Variants in NTM observed in about 807,000 individuals in gnomAD.
NTM encodes IgLON family member 2.
In NTM, 13 loss-of-function variants were observed where a neutral mutation model predicts 42.1. That is an observed-to-expected ratio of 0.31 (90% CI 0.20 to 0.49). NTM has a LOEUF of 0.49. Among genes scored for constraint, NTM ranks in the 20% least tolerant of loss-of-function variants. The pLI, the probability that NTM is intolerant of heterozygous loss-of-function variation, is 0.99. For missense variants in NTM, 373 were observed against 452.8 expected (o/e 0.82, Z 1.60); for synonymous variants, 187 against 179.2 (o/e 1.04, Z -0.35).
At chr11:132,311,650 CAAAA>C (rs1054130443) in intron 6 of NTM, among the ~76,000 whole-genome samples, 1 of 152,126 alleles carries the variant, frequency 6.6e-6, no homozygotes, top group Non-Finnish European at 1.5e-5. Flanking sequence ...CCAAACCAAA[CAAAA>C]AACCTATTGA....
At chr11:132,189,839 A>G in intron 3 of NTM, among the ~76,000 whole-genome samples, 1 of 152,192 alleles carries the variant, frequency 6.6e-6, no homozygotes, top group East Asian at 1.9e-4. Context: ...CAAATGAACA[A>G]TCGTTTGTGG....
At chr11:131,948,425 C>T (rs1188468093) in intron 2 of NTM, among the ~76,000 whole-genome samples, 2 of 146,072 alleles carry the variant, frequency 1.4e-5, no homozygotes, top group East Asian at 4.2e-4. Context: ...TTATCACATC[C>T]AAAGGCTTAT....
In NTM at chr11:132,213,860, A is replaced by G. The variant is rs1159524085; in HGVS notation, c.526+1713A>G. The stretch of plus-strand genomic sequence containing the variant: ...CGCCATTCTCCCGCCTCAGCCTCCC[A>G]AGTAGCTGGGACTACAGGCGCCCGC... On this transcript the variant is annotated intron_variant, in intron 4 of 8. Transcript: ENST00000683400. 4.6e-5 allele frequency among the ~76,000 whole-genome samples: 5 copies of G among 108,094 alleles called. 1 individual carries two copies. The highest frequency in any genetic ancestry group is 6.3e-4 in the South Asian group (2 of 3,172). 70.9% of individuals were successfully genotyped at this position (108,094 alleles called of 152,430 possible).
At chr11:132,327,213 T>C (rs2095701480) in intron 7 of NTM, among the ~76,000 whole-genome samples, 1 of 152,200 alleles carries the variant, frequency 6.6e-6, no homozygotes, top group Admixed American at 6.5e-5. Flanking sequence ...CTGTGCAAAC[T>C]CAGCGGCTCC....
chr11:131,545,609 C>T (rs2053827775), intron 1 of NTM, among the ~76,000 whole-genome samples: 1 of 152,124 alleles, frequency 6.6e-6, no homozygotes, highest in Non-Finnish European at 1.5e-5. Flanking sequence ...GATCCCTGCT[C>T]TCAAGCCATA....
At chr11:132,252,077 A>G (rs2092001991) in intron 4 of NTM, among the ~76,000 whole-genome samples, 1 of 152,178 alleles carries the variant, frequency 6.6e-6, no homozygotes, top group Non-Finnish European at 1.5e-5. Flanking sequence ...ACTCCCTGCC[A>G]TAAGCCCCTC....
chr11:131,661,063 A>C, intron 1 of NTM: 1 of 1,300,588 alleles, frequency 7.7e-7, no homozygotes, highest in Non-Finnish European at 1.0e-6. Context: ...GTGCATACTC[A>C]ATTCTTCATC....
chr11:132,267,224 G>C (rs142958294), intron 4 of NTM, among the ~76,000 whole-genome samples: 1 of 152,126 alleles, frequency 6.6e-6, no homozygotes, highest in African/African-American at 2.4e-5. Context: ...TGCAGTCCAG[G>C]AGCATAAAAT....
intron 8 of NTM, among the ~76,000 whole-genome samples, chr11:132,332,038 A>G (rs1000026434): frequency 6.6e-6 from 1 of 152,160 alleles, no homozygotes; most frequent in Non-Finnish European, 1.5e-5. Context: ...CCTCAAATCA[A>G]TGAGGATCAT....
intron 1 of NTM, among the ~76,000 whole-genome samples, chr11:131,512,158 T>C (rs1489906303): frequency 6.6e-6 from 1 of 152,200 alleles, no homozygotes; most frequent in African/African-American, 2.4e-5. Flanking sequence ...ACCATGAGCC[T>C]TGGGGACACG....
At chr11:132,319,254 AGTGCCAGACAGTAG>A (rs2095505144) in intron 7 of NTM, among the ~76,000 whole-genome samples, 1 of 152,142 alleles carries the variant, frequency 6.6e-6, no homozygotes, top group African/African-American at 2.4e-5. Context: ...CTCACTGGGG[AGTGCCAGACAGTAG>A]GTGCAGGACA....
At chr11:131,789,163 T>A (rs2089763495) in intron 1 of NTM, among the ~76,000 whole-genome samples, 1 of 152,002 alleles carries the variant, frequency 6.6e-6, no homozygotes, top group African/African-American at 2.4e-5. Context: ...TTATGTTTCT[T>A]CTAGCTTCCT....
intron 6 of NTM, 67 bp from the exon 7 acceptor site, chr11:132,314,485 C>A: frequency 6.6e-7 from 1 of 1,513,554 alleles, no homozygotes; most frequent in Non-Finnish European, 8.8e-7. Flanking sequence ...ATCCCTGGGC[C>A]TATCTTCTTC....
intron 1 of NTM, chr11:131,537,473 C>T (rs1339468536): frequency 1.3e-5 from 2 of 152,234 alleles, no homozygotes; most frequent in Admixed American, 1.3e-4. Context: ...ACAACCACAC[C>T]TCCTCCCAGG....
chr11:132,009,042 T>A (rs2071479068), intron 2 of NTM, among the ~76,000 whole-genome samples: 1 of 152,148 alleles, frequency 6.6e-6, no homozygotes, highest in Non-Finnish European at 1.5e-5. Flanking sequence ...CTGTGGGGAA[T>A]GTGTCCTGCA....
At chr11:131,619,214 A>G (rs1366878615) in intron 1 of NTM, among the ~76,000 whole-genome samples, 1 of 152,216 alleles carries the variant, frequency 6.6e-6, no homozygotes, top group Middle Eastern at 3.2e-3. Flanking sequence ...CAAAGCCCGA[A>G]TAAGGAAAGT....
At chr11:132,104,094 A>G (rs1167987832) in intron 2 of NTM, among the ~76,000 whole-genome samples, 1 of 152,148 alleles carries the variant, frequency 6.6e-6, no homozygotes, top group Non-Finnish European at 1.5e-5. Context: ...TTGTTGTTCT[A>G]TTCCCAGTTG....
intron 2 of NTM, among the ~76,000 whole-genome samples, chr11:132,008,712 A>G (rs755273550): frequency 2.6e-5 from 4 of 151,852 alleles, no homozygotes; most frequent in Admixed American, 6.6e-5. Context: ...AAAGATTAAA[A>G]TCATTTTCAA....
intron 4 of NTM, among the ~76,000 whole-genome samples, chr11:132,241,387 A>C (rs950253545): frequency 1.3e-5 from 2 of 152,184 alleles, no homozygotes; most frequent in African/African-American, 2.4e-5. Context: ...AACCGTTTTT[A>C]CTGAATAGTT....
Sources: allele counts gnomAD v4.1 joint callset (sites outside exome capture counted in the v4.1 genomes callset), GRCh38; gene constraint gnomAD v4.1.1; transcripts MANE v1.5; gene names NCBI Gene and HGNC (gene_info 2026-07-23, HGNC 2026-07-21).